The following UBR2 variants were observed in gnomAD, a reference collection of about 807,000 sequenced individuals.
UBR2 encodes ubiquitin protein ligase E3 component n-recognin 2.
UBR2 carries 92 observed loss-of-function variants against 247.9 expected under a neutral mutation model. The observed-to-expected ratio is 0.37, with a 90% confidence interval of 0.31 to 0.44. The LOEUF (loss-of-function observed/expected upper bound fraction) is 0.44. Ranked by LOEUF, UBR2 falls within the 20% of genes least tolerant of loss-of-function variation. The probability of loss-of-function intolerance (pLI) is 1.00; values close to 1 mark genes in which losing one functional copy is unlikely to be tolerated. For synonymous variants in UBR2, 672 were observed against 693.5 expected (o/e 0.97, Z 0.49); for missense variants, 1,613 against 2,112.6 (o/e 0.76, Z 4.64).
intron 44 of UBR2, among the ~76,000 whole-genome samples, chr6:42,686,684 G>GAT (rs1256358866): frequency 6.6e-6 from 1 of 150,534 alleles, no homozygotes; most frequent in Non-Finnish European, 1.5e-5. Context: ...CCTCCCGGAC[G>GAT]GGGCGGCTGG....
At position 42,689,941 on chromosome 6, in the gene UBR2, A is replaced by G. The variant is rs1342509795; in HGVS notation, c.5126+271A>G. On this transcript the variant is annotated intron_variant, in intron 46 of 46. Coordinates refer to ENST00000372901, the MANE Select transcript of UBR2 (RefSeq NM_001363705.2). This position sits in a 1 kb window ranked among gnomAD's most constrained non-coding sequence, Gnocchi z 4.0. ...ACTCCAAAGAACTGTTTGAATTGCC[A>G]TATAGCATCCCAGCTCAGAGCACTC... 6.6e-6 allele frequency among the ~76,000 whole-genome samples: 1 copy of G among 152,208 alleles called. No homozygotes were observed. Among genetic ancestry groups the G allele is most frequent in the Non-Finnish European group, 1.5e-5 (1 of 68,038 alleles).
chr6:42,607,417 C>T (rs925280897), intron 7 of UBR2, among the ~76,000 whole-genome samples: 4 of 152,096 alleles, frequency 2.6e-5, no homozygotes, highest in Non-Finnish European at 5.9e-5. Context: ...ATCCACCCAC[C>T]TCAGACTCCC....
In UBR2 at chr6:42,676,789, A is replaced by T. The variant is rs200591930; in HGVS notation, c.4394A>T (p.Asn1465Ile). The change falls in exon 40 of 47, where the codon AAT (asparagine) becomes ATT (isoleucine). Residue 1465 changes from asparagine to isoleucine, a missense_variant. Physicochemically the swap from Asn to Ile is moderately radical, Grantham distance 149 (BLOSUM62 -3). This residue lies in a region of UBR2 where 1,524 missense variants were observed against 1,967.3 expected (regional missense o/e 0.77). Transcript: ENST00000372901. ...QILLTSCTEE[N>I]GMDQENPPCE... The stretch of plus-strand genomic sequence containing the variant: ...GTATTTCCTTATCTTTCAGAAGAGA[A>T]TGGCATGGATCAAGAAAATCCCCCT... The T allele has an allele frequency of 1.2e-6, 2 of 1,613,672 alleles. No individual in the cohort carries two copies. The highest frequency in any genetic ancestry group is 1.7e-6 in the Non-Finnish European group (2 of 1,179,660).
At chr6:42,575,078 A>G (rs930101284) in intron 2 of UBR2, among the ~76,000 whole-genome samples, 2 of 152,230 alleles carry the variant, frequency 1.3e-5, no homozygotes, top group Non-Finnish European at 1.5e-5. Context: ...AGATGGGAAT[A>G]TGTTACATAT....
chr6:42,638,457 A>G (rs1796240554), intron 15 of UBR2, among the ~76,000 whole-genome samples: 1 of 152,220 alleles, frequency 6.6e-6, no homozygotes, highest in South Asian at 2.1e-4. Flanking sequence ...TAAGATAATT[A>G]CTTACTCTGA....
chr6:42,629,934 C>T (rs1040445142), intron 11 of UBR2, among the ~76,000 whole-genome samples: 2 of 151,850 alleles, frequency 1.3e-5, no homozygotes, highest in South Asian at 2.1e-4. Flanking sequence ...TTGGGGTTTT[C>T]GTTTGTTTTT....
chr6:42,686,191 A>G (rs1256140561), intron 44 of UBR2, among the ~76,000 whole-genome samples: 3 of 151,992 alleles, frequency 2.0e-5, no homozygotes, highest in Non-Finnish European at 1.5e-5. Context: ...GATGTGAACA[A>G]AGGTCTCTGG....
intron 2 of UBR2, among the ~76,000 whole-genome samples, chr6:42,574,493 G>A (rs1228723489): frequency 1.3e-5 from 2 of 152,074 alleles, no homozygotes; most frequent in Non-Finnish European, 2.9e-5. Context: ...TTTCATTTGG[G>A]AATGGTAGTT....
At position 42,677,408 on chromosome 6, in the gene UBR2, T is replaced by C. The variant is rs1798775266; in HGVS notation, c.4478+535T>C. Reference sequence around the variant, plus strand: ...AGGAACCTATAAAAATGTCTGTTTTTTGACTATCCCATTTCTGAGAACCTA... The same window carrying C: ...AGGAACCTATAAAAATGTCTGTTTTCTGACTATCCCATTTCTGAGAACCTA... On this transcript the variant is annotated intron_variant, in intron 40 of 46. Coordinates refer to ENST00000372901, the MANE Select transcript of UBR2 (RefSeq NM_001363705.2). Among the ~76,000 whole-genome samples the C allele has an allele frequency of 2.0e-5, 3 of 152,192 alleles. No homozygotes were observed. The South Asian group carries it at 6.2e-4, about 31-fold the overall frequency.
chr6:42,637,044 C>G lies in UBR2; in HGVS notation c.1708C>G (p.Leu570Val). The change falls in exon 15 of 47, where the codon CTC becomes GTC. Residue 570 changes from leucine (L) to valine (V), a missense_variant. Leu to Val is a conservative substitution (Grantham distance 32). Around this residue, in one of 3 missense-constraint regions of UBR2, gnomAD observed 1,524 missense variants for 1,967.3 expected, o/e 0.77. Coordinates refer to ENST00000372901, the MANE Select transcript of UBR2 (RefSeq NM_001363705.2). Reference protein sequence around the residue: ...KVLIEAYKKCLAVLMQCHGGY... With the variant: ...KVLIEAYKKCVAVLMQCHGGY... Reference sequence around the variant, plus strand: ...GTTAATCGAAGCTTACAAGAAATGTCTCGCTGTACTGATGCAGTGTCATGG... The same window carrying G: ...GTTAATCGAAGCTTACAAGAAATGTGTCGCTGTACTGATGCAGTGTCATGG... 6.2e-7 allele frequency: 1 copy of G among 1,613,022 alleles called. No homozygotes were observed. Among genetic ancestry groups the G allele is most frequent in the Admixed American group, 1.7e-5 (1 of 59,828 alleles).
chr6:42,643,535 G>A (rs889370121), intron 18 of UBR2, among the ~76,000 whole-genome samples: 8 of 152,184 alleles, frequency 5.3e-5, no homozygotes, highest in African/African-American at 1.9e-4. Flanking sequence ...GGCGGAGGTT[G>A]CAATGAGCTG....
At position 42,666,155 on chromosome 6, in the gene UBR2, C is replaced by CTCTATAGATAATATATAAAA. The variant is rs1247867636; in HGVS notation, c.3803-11_3803-10insCTATAGATAATATATAAAAT. 6.2e-7 allele frequency: 1 copy of CTCTATAGATAATATATAAAA among 1,603,548 alleles called. No homozygotes were observed. Among genetic ancestry groups the CTCTATAGATAATATATAAAA allele is most frequent in the East Asian group, 2.2e-5 (1 of 44,714 alleles). Reference sequence around the variant, plus strand: ...TCTATTGAATAATAGTATAAAATGCCTGTTTCTATAGATAATGCCTCTACA... The same window carrying CTCTATAGATAATATATAAAA: ...TCTATTGAATAATAGTATAAAATGCCTCTATAGATAATATATAAAATGTTTCTATAGATAATGCCTCTACA... On this transcript the variant is annotated splice_polypyrimidine_tract_variant and intron_variant, in intron 33 of 46. Coordinates refer to ENST00000372901, the MANE Select transcript of UBR2 (RefSeq NM_001363705.2).
chr6:42,666,173 C>A lies in UBR2; in HGVS notation c.3809C>A (p.Ala1270Asp). Residue 1270 changes from alanine to aspartate, a missense_variant, in exon 34 of 47, where the codon GCC becomes GAC. Coordinates refer to ENST00000372901, the MANE Select transcript of UBR2 (RefSeq NM_001363705.2). ...AAAATGCCTGTTTCTATAGATAATG[C>A]CTCTACAAAGAATTCAGAAAATGTG... ...LRKEESTPNNASTKNSENVDE... is the reference protein window; with the variant it reads ...LRKEESTPNNDSTKNSENVDE... 1 of 1,611,184 alleles carries A rather than the reference C, an allele frequency of 6.2e-7. No homozygotes were observed. Among genetic ancestry groups the A allele is most frequent in the South Asian group, 1.1e-5 (1 of 90,350 alleles).
chr6:42,617,186 C>A, intron 10 of UBR2: 1 of 1,534,622 alleles, frequency 6.5e-7, no homozygotes, highest in Non-Finnish European at 9.0e-7. Flanking sequence ...TCATTATAAT[C>A]CTTAAACATT....
At chr6:42,651,482 A>G (rs1797106997) in intron 23 of UBR2, among the ~76,000 whole-genome samples, 1 of 151,922 alleles carries the variant, frequency 6.6e-6, no homozygotes, top group African/African-American at 2.4e-5. Flanking sequence ...CTAGAACTTA[A>G]AGATAGATAT....
At chr6:42,667,587 C>CTTTTTTTTCTTTTTTTTTTTTTTTTTTTT (rs1798179691) in intron 34 of UBR2, among the ~76,000 whole-genome samples, 1 of 47,428 alleles carries the variant, frequency 2.1e-5, no homozygotes, top group African/African-American at 9.0e-5. Flanking sequence ...ACAGTTTTGT[C>CTTTTTTTTCTTTTTTTTTTTTTTTTTTTT]TTTTTTTTTT....
chr6:42,626,319 C>G (rs954648375), intron 11 of UBR2, among the ~76,000 whole-genome samples: 1 of 140,848 alleles, frequency 7.1e-6, no homozygotes, highest in African/African-American at 2.6e-5. Context: ...AACTGCATGT[C>G]ACAGTCTTGT....
At chr6:42,584,246 T>C (rs1054592864) in intron 2 of UBR2, among the ~76,000 whole-genome samples, 2 of 152,184 alleles carry the variant, frequency 1.3e-5, no homozygotes, top group African/African-American at 4.8e-5. Flanking sequence ...TCTGCCCACC[T>C]TGGCCTCCCA....
Position 42,644,238 on chromosome 6 carries a change from A to G in UBR2, c.2122A>G (p.Asn708Asp). 1.9e-6 allele frequency: 3 copies of G among 1,611,916 alleles called. No individual in the cohort carries two copies. Among genetic ancestry groups the G allele is most frequent in the Non-Finnish European group, 2.5e-6 (3 of 1,179,590 alleles). ...LQTGVSMMDP[N>D]HFLMIMLSRF... ...GACAGGTGTCTCCATGATGGATCCA[A>G]ATCATTTCCTGATGATCATGCTCAG... Residue 708 changes from asparagine to aspartate, a missense_variant, in exon 19 of 47, where the codon AAT (asparagine) becomes GAT (aspartate). Transcript: ENST00000372901.
Sources: allele counts gnomAD v4.1 joint callset (sites outside exome capture counted in the v4.1 genomes callset), GRCh38; gene constraint gnomAD v4.1.1; regional missense constraint gnomAD v4.1.1; non-coding constraint Gnocchi (gnomAD v3.1); transcripts MANE v1.5; gene names NCBI Gene and HGNC (gene_info 2026-07-23, HGNC 2026-07-21).